TANC1: variants seen among roughly 807,000 people sequenced by gnomAD.
TANC1 encodes protein TANC1.
Under a neutral mutation model 149.7 loss-of-function variants are expected in TANC1, and 77 were observed. The ratio of observed to expected loss-of-function variants is 0.51; its 90% confidence interval spans 0.43 to 0.62. TANC1 has a LOEUF of 0.62. TANC1 is among the 20% of genes least tolerant of loss of function. TANC1 has a pLI of 0.00. For synonymous variants in TANC1, 854 were observed against 925.0 expected (o/e 0.92, Z 1.39); for missense variants, 1,985 against 2,321.8 (o/e 0.85, Z 2.98).
intron 1 of TANC1, among the ~76,000 whole-genome samples, chr2:158,975,661 C>T (rs927763958): frequency 6.6e-6 from 1 of 151,464 alleles, no homozygotes; most frequent in Non-Finnish European, 1.5e-5. Context: ...GTCTCGAACT[C>T]CTGGCCTCAA....
intron 2 of TANC1, among the ~76,000 whole-genome samples, chr2:159,032,010 CT>C (rs2039818385): frequency 6.6e-6 from 1 of 152,252 alleles, no homozygotes; most frequent in South Asian, 2.1e-4. Flanking sequence ...TAAAAACACT[CT>C]CATTCAAATA....
chr2:159,131,516 C>T (rs1207094664), intron 4 of TANC1, among the ~76,000 whole-genome samples: 7 of 149,128 alleles, frequency 4.7e-5, no homozygotes, highest in Non-Finnish European at 4.5e-5. Flanking sequence ...CCCCTCCCCC[C>T]GCCCCTTCCC....
intron 3 of TANC1, among the ~76,000 whole-genome samples, chr2:159,095,537 A>C (rs149522283): frequency 6.6e-6 from 1 of 151,710 alleles, no homozygotes; most frequent in Non-Finnish European, 1.5e-5. Context: ...GAAGTTCAAG[A>C]CCAGCCTGAC....
intron 24 of TANC1, 83 bp from the exon 25 acceptor site, chr2:159,227,736 C>G: frequency 2.0e-6 from 3 of 1,489,098 alleles, no homozygotes; most frequent in Non-Finnish European, 2.8e-6. Context: ...GGGGAGTAAA[C>G]TCCCCACGGT....
intron 1 of TANC1, among the ~76,000 whole-genome samples, chr2:158,987,742 A>G (rs1045154090): frequency 6.6e-6 from 1 of 152,130 alleles, no homozygotes; most frequent in Non-Finnish European, 1.5e-5. Flanking sequence ...CAGGTTACAC[A>G]GCCTCCCTGA....
At chr2:159,128,575 C>G (rs1297030854) in intron 4 of TANC1, among the ~76,000 whole-genome samples, 1 of 152,178 alleles carries the variant, frequency 6.6e-6, no homozygotes, top group African/African-American at 2.4e-5. Flanking sequence ...GAGGCTCTTA[C>G]CCTGTAAGAT....
chr2:159,094,782 G>GGT (rs1553547288), intron 3 of TANC1, among the ~76,000 whole-genome samples: 258 of 137,168 alleles, frequency 1.9e-3, no homozygotes, highest in East Asian at 3.6e-3. Context: ...TGTGGGGGGG[G>GGT]GGTGGGGGCC....
At chr2:159,004,155 C>T (rs2036907289) in intron 2 of TANC1, 1 of 1,612,260 alleles carries the variant, frequency 6.2e-7, no homozygotes, top group Non-Finnish European at 8.5e-7. Context: ...AATATTAAGT[C>T]AGCTTGGTGC....
chr2:159,022,837 C>T (rs264577), intron 2 of TANC1, among the ~76,000 whole-genome samples: 32,813 of 151,968 alleles, frequency 0.22, 3,863 homozygotes, highest in South Asian at 0.45. Context: ...GGCTTTGTAG[C>T]TCGACAGACC....
At chr2:158,969,420 G>T (rs747978411) in intron 1 of TANC1, among the ~76,000 whole-genome samples, 22 of 152,242 alleles carry the variant, frequency 1.4e-4, no homozygotes, top group Non-Finnish European at 2.9e-4. Context: ...GGGGGTGGGG[G>T]TGAGTTAGGA....
intron 2 of TANC1, among the ~76,000 whole-genome samples, chr2:159,019,646 TCTTTCTG>T (rs2038618437): frequency 7.1e-6 from 1 of 141,638 alleles, no homozygotes; most frequent in Non-Finnish European, 1.5e-5. Flanking sequence ...CAGCTTGCTT[TCTTTCTG>T]TTTTTTTTTT....
chr2:159,105,453 C>A (rs2047087820), intron 4 of TANC1, among the ~76,000 whole-genome samples: 1 of 152,066 alleles, frequency 6.6e-6, no homozygotes, highest in African/African-American at 2.4e-5. Flanking sequence ...GTTGTACAAC[C>A]CATCTTTAGA....
At chr2:158,989,034 A>C (rs1455473356) in intron 1 of TANC1, among the ~76,000 whole-genome samples, 1 of 152,094 alleles carries the variant, frequency 6.6e-6, no homozygotes, top group African/African-American at 2.4e-5. Context: ...GTGGGGAGAG[A>C]AATGTGGACC....
intron 2 of TANC1, among the ~76,000 whole-genome samples, chr2:159,061,913 G>A (rs925955089): frequency 1.3e-5 from 2 of 152,182 alleles, no homozygotes; most frequent in African/African-American, 2.4e-5. Context: ...TGTTTGGTCA[G>A]TATTTGAGTT....
chr2:158,993,832 T>C (rs1354690511), intron 1 of TANC1, among the ~76,000 whole-genome samples: 1 of 152,178 alleles, frequency 6.6e-6, no homozygotes, highest in East Asian at 1.9e-4. Flanking sequence ...AGAGAAGACA[T>C]TACCTTTTGT....
chr2:159,073,469 A>C lies in TANC1; in HGVS notation c.61+7498A>C, dbSNP rs147010728. On this transcript the variant is annotated intron_variant, in intron 3 of 26. Transcript: ENST00000263635. ...TAAGATCTCCAGCAAGGCACCACCT[A>C]TCTGAATCATCATAAAGCATGTGAT... 2.0e-5 allele frequency among the ~76,000 whole-genome samples: 3 copies of C among 152,306 alleles called. No homozygotes were observed. In the East Asian group the frequency reaches 5.8e-4, roughly 29 times the overall value.
At chr2:158,985,964 G>A (rs1259719318) in intron 1 of TANC1, among the ~76,000 whole-genome samples, 18 of 152,172 alleles carry the variant, frequency 1.2e-4, no homozygotes, top group Admixed American at 1.1e-3. Context: ...TTGATTGGTT[G>A]TCGTGAATCT....
intron 2 of TANC1, among the ~76,000 whole-genome samples, chr2:159,008,876 C>A (rs1021673819): frequency 4.6e-5 from 7 of 152,164 alleles, no homozygotes; most frequent in African/African-American, 1.2e-4. Context: ...ACTCCCAGGG[C>A]AGAATTCATT....
chr2:159,041,900 C>G (rs1022219993), intron 2 of TANC1, among the ~76,000 whole-genome samples: 7 of 152,148 alleles, frequency 4.6e-5, no homozygotes, highest in Non-Finnish European at 1.0e-4. Context: ...TGGAGCTGTT[C>G]CTATTCAGCC....
Sources: gnomAD v4.1 joint callset for allele counts (sites outside exome capture counted in the v4.1 genomes callset) on GRCh38, gnomAD v4.1.1 for gene constraint, MANE v1.5 for transcripts, NCBI Gene and HGNC (gene_info 2026-07-23, HGNC 2026-07-21) for gene names.